The following NCEH1 variants were observed in gnomAD, a reference collection of about 807,000 sequenced individuals.
NCEH1 encodes 2-acetyl MAGE hydrolase.
Under a neutral mutation model 25.4 loss-of-function variants are expected in NCEH1, and 9 were observed. The observed-to-expected ratio is 0.35, with a 90% CI of 0.21 to 0.62. The LOEUF (loss-of-function observed/expected upper bound fraction) is 0.62, where lower values mean the gene tolerates loss of function less well. Ranked by LOEUF, NCEH1 falls within the 20% of genes least tolerant of loss-of-function variation. NCEH1 has a pLI of 0.72. For synonymous variants in NCEH1, 200 were observed against 199.8 expected (o/e 1.00, Z -0.01); for missense variants, 412 against 501.1 (o/e 0.82, Z 1.70).
intron 3 of NCEH1, among the ~76,000 whole-genome samples, chr3:172,637,616 C>T (rs1036348021): frequency 6.6e-6 from 1 of 151,970 alleles, no homozygotes; most frequent in African/African-American, 2.4e-5. Context: ...GGGCCAGGTG[C>T]GGTGGCTTAG....
chr3:172,647,675 CATTTA>C (rs912434993), intron 2 of NCEH1, among the ~76,000 whole-genome samples: 3 of 152,144 alleles, frequency 2.0e-5, no homozygotes, highest in Non-Finnish European at 2.9e-5. Context: ...AAAGGATAAC[CATTTA>C]ATTTATCACC....
intron 1 of NCEH1, chr3:172,680,836 G>A (rs1413710159): frequency 6.6e-6 from 1 of 152,176 alleles, no homozygotes; most frequent in Non-Finnish European, 1.5e-5. Flanking sequence ...ACAGCAGAGT[G>A]CCCTAGGCTG....
chr3:172,682,441 G>A (rs1005203567), intron 1 of NCEH1, among the ~76,000 whole-genome samples: 3 of 152,128 alleles, frequency 2.0e-5, no homozygotes, highest in Admixed American at 6.5e-5. Context: ...GTCTGGGGGG[G>A]TAATGGTACA....
intron 1 of NCEH1, among the ~76,000 whole-genome samples, chr3:172,653,819 C>T (rs150903959): frequency 1.7e-3 from 241 of 144,542 alleles, no homozygotes; most frequent in Non-Finnish European, 3.1e-3. Context: ...TGCAATGGCG[C>T]GATCTTGGCT....
intron 1 of NCEH1, among the ~76,000 whole-genome samples, chr3:172,650,382 G>A (rs1299227508): frequency 1.3e-5 from 2 of 151,948 alleles, no homozygotes; most frequent in Admixed American, 6.6e-5. Context: ...GGTGGCTCAC[G>A]CCTGTAATCC....
At chr3:172,670,220 G>A (rs1711531567) in intron 1 of NCEH1, among the ~76,000 whole-genome samples, 1 of 152,166 alleles carries the variant, frequency 6.6e-6, no homozygotes. Context: ...CAGAGAGCAA[G>A]CATTCTCTAC....
chr3:172,675,138 C>G (rs1711894205), intron 1 of NCEH1, among the ~76,000 whole-genome samples: 1 of 152,008 alleles, frequency 6.6e-6, no homozygotes, highest in South Asian at 2.1e-4. Context: ...GGTGAAACCC[C>G]AGCTCTACCA....
At chr3:172,660,634 C>A (rs1717930992) in intron 1 of NCEH1, among the ~76,000 whole-genome samples, 2 of 152,182 alleles carry the variant, frequency 1.3e-5, no homozygotes, top group Admixed American at 1.3e-4. Flanking sequence ...CTCTCCAGCA[C>A]CTGTTGTTTC....
intron 2 of NCEH1, among the ~76,000 whole-genome samples, chr3:172,646,224 G>T (rs968276650): frequency 3.9e-5 from 6 of 152,126 alleles, no homozygotes; most frequent in African/African-American, 1.2e-4. Context: ...GCATAGTGGT[G>T]CACGCCTGCA....
chr3:172,661,632 TC>T (rs1263388757), intron 1 of NCEH1, among the ~76,000 whole-genome samples: 1 of 152,208 alleles, frequency 6.6e-6, no homozygotes, highest in Non-Finnish European at 1.5e-5. Flanking sequence ...TTTGTTTGTG[TC>T]CTCTTTTATT....
At chr3:172,700,646 C>T (rs943144971) in intron 1 of NCEH1, among the ~76,000 whole-genome samples, 1 of 152,150 alleles carries the variant, frequency 6.6e-6, no homozygotes, top group East Asian at 1.9e-4. Flanking sequence ...GATCATGTGC[C>T]ACCACATCTG....
intron 1 of NCEH1, among the ~76,000 whole-genome samples, chr3:172,675,989 T>G (rs13080424): frequency 3.9e-5 from 6 of 151,982 alleles, no homozygotes; most frequent in Admixed American, 6.6e-5. Context: ...GAACCACACA[T>G]GGACACGCCA....
At chr3:172,646,424 T>C (rs1488975537) in intron 2 of NCEH1, among the ~76,000 whole-genome samples, 2 of 152,160 alleles carry the variant, frequency 1.3e-5, no homozygotes, top group East Asian at 3.8e-4. Flanking sequence ...AAGTGATCAA[T>C]TTGAAGAATA....
At chr3:172,641,931 T>C (rs1015754975) in intron 3 of NCEH1, among the ~76,000 whole-genome samples, 9 of 152,242 alleles carry the variant, frequency 5.9e-5, no homozygotes, top group African/African-American at 2.2e-4. Flanking sequence ...TCTCTGTTAC[T>C]ACTTGCCCTT....
intron 1 of NCEH1, among the ~76,000 whole-genome samples, chr3:172,664,699 T>TC (rs1166374364): frequency 6.6e-6 from 1 of 152,250 alleles, no homozygotes; most frequent in Non-Finnish European, 1.5e-5. Flanking sequence ...TTGCTTCATT[T>TC]CATTCATTTG....
At chr3:172,654,138 G>T (rs1013222000) in intron 1 of NCEH1, among the ~76,000 whole-genome samples, 1 of 152,142 alleles carries the variant, frequency 6.6e-6, no homozygotes, top group Non-Finnish European at 1.5e-5. Flanking sequence ...GCAATAACAG[G>T]CTCAATCTAA....
chr3:172,648,978 G>A (rs183870414), intron 1 of NCEH1, among the ~76,000 whole-genome samples: 3 of 152,266 alleles, frequency 2.0e-5, no homozygotes, highest in Non-Finnish European at 2.9e-5. Flanking sequence ...GTGCTCTTTT[G>A]TAGATGATGA....
intron 2 of NCEH1, among the ~76,000 whole-genome samples, chr3:172,646,918 C>T (rs1016238939): frequency 1.3e-5 from 2 of 152,188 alleles, no homozygotes; most frequent in African/African-American, 4.8e-5. Flanking sequence ...ATGGTCCAGA[C>T]TTGCCCACAA....
intron 3 of NCEH1, among the ~76,000 whole-genome samples, chr3:172,643,529 C>A (rs1221176746): frequency 6.6e-6 from 1 of 152,210 alleles, no homozygotes; most frequent in Non-Finnish European, 1.5e-5. Context: ...AGGAACAATG[C>A]AAAGTTTAAA....
Sources: allele counts gnomAD v4.1 joint callset (sites outside exome capture counted in the v4.1 genomes callset), GRCh38; gene constraint gnomAD v4.1.1; transcripts MANE v1.5; gene names NCBI Gene and HGNC (gene_info 2026-07-23, HGNC 2026-07-21).